Variants in YEATS2 observed in about 807,000 individuals in gnomAD.
YEATS2 encodes the protein YEATS domain containing 2, also known as YEATS domain-containing protein 2.
In YEATS2, 77 loss-of-function variants were observed where a neutral mutation model predicts 163.2. That is an observed-to-expected ratio of 0.47 (90% CI 0.39 to 0.57). The LOEUF is 0.57. Ranked by LOEUF, YEATS2 falls within the 20% of genes least tolerant of loss-of-function variation. The pLI, the probability that YEATS2 is intolerant of heterozygous loss-of-function variation, is 0.00. For synonymous variants in YEATS2, 631 were observed against 645.1 expected (o/e 0.98, Z 0.33); for missense variants, 1,549 against 1,729.8 (o/e 0.90, Z 1.85).
chr3:183,728,817 C>G lies in YEATS2; in HGVS notation c.778C>G (p.Pro260Ala), dbSNP rs189805522. 3 of 1,613,960 alleles carry G rather than the reference C, an allele frequency of 1.9e-6. No individual in the cohort carries two copies. The highest frequency in any genetic ancestry group is 1.3e-5 in the African/African-American group (1 of 75,036). Residue 260 changes from proline to alanine, a missense_variant, in exon 7 of 31, where the codon CCT becomes GCT. Pro to Ala is a conservative substitution (Grantham distance 27, BLOSUM62 -1). Transcript: ENST00000305135. ...FVKKVWFFLH[P>A]SYKPNDLVEV... ...CAAGAAGGTTTGGTTCTTCCTTCAT[C>G]CTAGCTATAAACCAAATGACCTTGT...
At chr3:183,810,364 C>G (rs1726676882) in intron 30 of YEATS2, 111 bp from the exon 31 acceptor site, 1 of 962,198 alleles carries the variant, frequency 1.0e-6, no homozygotes, top group Non-Finnish European at 1.6e-6. Flanking sequence ...CTCAGGAGCC[C>G]TCTCCACGGG....
intron 15 of YEATS2, among the ~76,000 whole-genome samples, chr3:183,763,813 C>T (rs1007551920): frequency 1.3e-5 from 2 of 151,978 alleles, no homozygotes; most frequent in East Asian, 1.9e-4. Flanking sequence ...ACCTGTGAGC[C>T]ACCTAACACT....
At position 183,784,769 on chromosome 3, in the gene YEATS2, C is replaced by G. The variant is rs866159928; in HGVS notation, c.2737-1356C>G. ...GGCCTGAAAGCCAAAATTGCATACT[C>G]TTGCCATTAAAAAAAAAAAAAAAGC... On this transcript the variant is annotated intron_variant, in intron 19 of 30. Transcript: ENST00000305135. Among the ~76,000 whole-genome samples the G allele has an allele frequency of 1.0e-4, 15 of 150,316 alleles. No homozygotes were observed. The Middle Eastern group carries it at 0.017, about 172-fold the overall frequency.
intron 15 of YEATS2, among the ~76,000 whole-genome samples, chr3:183,765,944 C>T (rs1721860024): frequency 6.9e-6 from 1 of 144,604 alleles, no homozygotes; most frequent in South Asian, 2.2e-4. Context: ...AAGACTCTGT[C>T]TAAAAAAAAA....
intron 2 of YEATS2, among the ~76,000 whole-genome samples, chr3:183,715,694 AT>A (rs1230237162): frequency 1.3e-5 from 2 of 152,180 alleles, no homozygotes; most frequent in African/African-American, 4.8e-5. Context: ...AGCTAAAATT[AT>A]TTTTAAATGC....
chr3:183,788,794 C>T (rs1448913697), intron 20 of YEATS2, among the ~76,000 whole-genome samples: 3 of 152,198 alleles, frequency 2.0e-5, no homozygotes, highest in South Asian at 2.1e-4. Context: ...TTCACATCCT[C>T]GCCAGCCTTT....
At chr3:183,808,934 A>G in intron 29 of YEATS2, 163 bp from the exon 30 acceptor site, 1 of 569,238 alleles carries the variant, frequency 1.8e-6, no homozygotes. Flanking sequence ...CATGGCCTTT[A>G]TCATTATGGT....
chr3:183,736,106 C>T (rs1462947414), intron 7 of YEATS2, among the ~76,000 whole-genome samples: 2 of 152,154 alleles, frequency 1.3e-5, no homozygotes, highest in African/African-American at 4.8e-5. Flanking sequence ...AATTCCCGCC[C>T]CTCCTTTTTT....
At chr3:183,778,987 CT>C (rs1231824828) in intron 19 of YEATS2, among the ~76,000 whole-genome samples, 4 of 151,874 alleles carry the variant, frequency 2.6e-5, no homozygotes, top group Non-Finnish European at 5.9e-5. Context: ...GAGTCTTTAT[CT>C]GTTGCCCAGG....
At chr3:183,801,630 T>C in intron 25 of YEATS2, 102 bp downstream of exon 25, 5 of 888,492 alleles carry the variant, frequency 5.6e-6, no homozygotes, top group Non-Finnish European at 8.5e-6. Context: ...AATATTGATA[T>C]GGCGGTTACC....
intron 5 of YEATS2, among the ~76,000 whole-genome samples, chr3:183,723,872 A>G (rs1362755070): frequency 6.6e-6 from 1 of 152,116 alleles, no homozygotes; most frequent in Admixed American, 6.6e-5. Context: ...AGATCGTGCC[A>G]TTGCATTCCA....
At chr3:183,718,369 T>A (rs1716126378) in intron 3 of YEATS2, 131 bp from the exon 4 acceptor site, 3 of 670,096 alleles carry the variant, frequency 4.5e-6, no homozygotes, top group Non-Finnish European at 7.2e-6. Flanking sequence ...CTTTTATTTG[T>A]TTTTCTTTTG....
intron 11 of YEATS2, among the ~76,000 whole-genome samples, chr3:183,755,892 A>T (rs1019830170): frequency 1.3e-5 from 2 of 151,482 alleles, no homozygotes; most frequent in African/African-American, 4.9e-5. Flanking sequence ...GATTACAGGC[A>T]TGCGCCACCA....
chr3:183,771,718 ATTTTTTT>A (rs10592078), intron 15 of YEATS2, among the ~76,000 whole-genome samples: 2,389 of 100,188 alleles, frequency 0.024, 76 homozygotes, highest in East Asian at 0.11. Flanking sequence ...GTACTGGCTA[ATTTTTTT>A]TTTTTTTTTT....
intron 12 of YEATS2, 48 bp from the exon 13 acceptor site, chr3:183,758,814 T>G: frequency 7.9e-7 from 1 of 1,272,746 alleles, no homozygotes; most frequent in Non-Finnish European, 1.1e-6. Flanking sequence ...AAAATTACCT[T>G]TTGTAAATTT....
chr3:183,749,036 G>A (rs776763337), intron 9 of YEATS2, among the ~76,000 whole-genome samples: 37 of 151,816 alleles, frequency 2.4e-4, no homozygotes, highest in Admixed American at 9.2e-4. Flanking sequence ...TCCGCCTCCC[G>A]GGTTCACGCC....
At chr3:183,713,520 A>C (rs1715487004) in intron 1 of YEATS2, among the ~76,000 whole-genome samples, 1 of 152,154 alleles carries the variant, frequency 6.6e-6, no homozygotes, top group Non-Finnish European at 1.5e-5. Flanking sequence ...CCGAGATTGC[A>C]CCACTGCACT....
chr3:183,750,059 C>T (rs1239350450), intron 9 of YEATS2, among the ~76,000 whole-genome samples: 1 of 151,992 alleles, frequency 6.6e-6, no homozygotes, highest in Non-Finnish European at 1.5e-5. Context: ...CTCCTGACCT[C>T]ATGATCTGCC....
At chr3:183,721,182 G>A (rs2109056752) in intron 4 of YEATS2, among the ~76,000 whole-genome samples, 1 of 152,198 alleles carries the variant, frequency 6.6e-6, no homozygotes, top group Non-Finnish European at 1.5e-5. Context: ...GTTTTCAGTG[G>A]CAAAACATTT....
Sources: allele counts gnomAD v4.1 joint callset (sites outside exome capture counted in the v4.1 genomes callset), GRCh38; gene constraint gnomAD v4.1.1; transcripts MANE v1.5; gene names NCBI Gene and HGNC (gene_info 2026-07-23, HGNC 2026-07-21).